The following HLCS variants were observed in gnomAD, a reference collection of about 807,000 sequenced individuals.
HLCS encodes the protein biotin--protein ligase.
In HLCS, 53 loss-of-function variants were observed where a neutral mutation model predicts 75.0. The observed-to-expected ratio is 0.71, with a 90% confidence interval of 0.57 to 0.89. The LOEUF (loss-of-function observed/expected upper bound fraction) is 0.89, where lower values mean the gene tolerates loss of function less well. Among genes scored for constraint, HLCS ranks in the 40% least tolerant of loss-of-function variants. The pLI is 0.00. For missense variants in HLCS, 966 were observed against 1,074.0 expected (o/e 0.90, Z 1.41); for synonymous variants, 431 against 428.6 (o/e 1.01, Z -0.07).
chr21:36,933,819 T>G (rs1282237988), intron 4 of HLCS, among the ~76,000 whole-genome samples: 1 of 152,046 alleles, frequency 6.6e-6, no homozygotes, highest in Non-Finnish European at 1.5e-5. Context: ...CTGGTCAGGG[T>G]GAATACACAG....
At chr21:36,794,371 G>A (rs2060962611) in intron 6 of HLCS, among the ~76,000 whole-genome samples, 1 of 152,256 alleles carries the variant, frequency 6.6e-6, no homozygotes, top group Admixed American at 6.5e-5. Flanking sequence ...GAAGGCTGCT[G>A]CAATAAGGCA....
intron 6 of HLCS, among the ~76,000 whole-genome samples, chr21:36,857,658 G>A (rs2063240761): frequency 6.6e-6 from 1 of 152,158 alleles, no homozygotes; most frequent in Non-Finnish European, 1.5e-5. Flanking sequence ...TCCTAGGATG[G>A]CATTTCAGTG....
rs537642946 is a variant in HLCS at position 36,962,394 on chromosome 21, C to A, written c.196-224G>T. 5.3e-5 allele frequency among the ~76,000 whole-genome samples: 8 copies of A among 152,284 alleles called. No individual in the cohort carries two copies. The East Asian group carries it at 1.4e-3, about 26-fold the overall frequency. On this transcript the variant is annotated intron_variant, in intron 1 of 10. Coordinates refer to ENST00000674895, the MANE Select transcript of HLCS (RefSeq NM_001352514.2). The stretch of plus-strand genomic sequence containing the variant: ...CGATGACTCAGGACAGCTTTAATAT[C>A]TCTAGACCACTGTTTTCAAGCCATG...
At chr21:36,899,500 T>A (rs190636679) in intron 5 of HLCS, among the ~76,000 whole-genome samples, 1 of 152,262 alleles carries the variant, frequency 6.6e-6, no homozygotes, top group East Asian at 1.9e-4. Flanking sequence ...GGCATGCACC[T>A]ATAATCCCAG....
chr21:36,931,273 A>C (rs2066625588), intron 4 of HLCS, among the ~76,000 whole-genome samples: 1 of 128,494 alleles, frequency 7.8e-6, no homozygotes, highest in Non-Finnish European at 1.6e-5. Context: ...ACAAGAGTGA[A>C]ACTCCATCGC....
At chr21:36,942,753 G>A (rs1206031782) in intron 2 of HLCS, among the ~76,000 whole-genome samples, 6 of 151,908 alleles carry the variant, frequency 3.9e-5, no homozygotes, top group African/African-American at 1.2e-4. Context: ...ACAATAAAAA[G>A]ACAATCCAAT....
chr21:36,903,244 T>C (rs1316666116), intron 5 of HLCS, among the ~76,000 whole-genome samples: 1 of 152,182 alleles, frequency 6.6e-6, no homozygotes, highest in Non-Finnish European at 1.5e-5. Flanking sequence ...TCATCATTCT[T>C]TCCTTGGTAT....
intron 6 of HLCS, among the ~76,000 whole-genome samples, chr21:36,776,417 CT>C (rs60097796): frequency 1.3e-5 from 2 of 148,640 alleles, no homozygotes; most frequent in South Asian, 2.1e-4. Context: ...CTATTTTATG[CT>C]TTTTTTTTTC....
intron 1 of HLCS, among the ~76,000 whole-genome samples, chr21:36,978,971 TA>T (rs951758570): frequency 7.7e-6 from 1 of 130,092 alleles, no homozygotes; most frequent in African/African-American, 2.8e-5. Context: ...TCACACTGCT[TA>T]AAAGAAAAAA....
intron 6 of HLCS, among the ~76,000 whole-genome samples, chr21:36,845,112 T>C (rs748644662): frequency 2.0e-5 from 3 of 152,188 alleles, no homozygotes; most frequent in African/African-American, 4.8e-5. Flanking sequence ...TTAATAACTT[T>C]TGTCCATTTT....
chr21:36,936,601 G>GC lies in HLCS; in HGVS notation c.1284dup (p.Leu429AlafsTer29). 6.2e-7 allele frequency: 1 copy of GC among 1,614,252 alleles called. No homozygotes were observed. The highest frequency in any genetic ancestry group is 1.3e-5 in the African/African-American group (1 of 75,066). ...CTGCAGCCACTGCTCAAGACGCTGA[G>GC]CTTCACCTCGCTCTGGTCAGCCTTG... On this transcript the variant is annotated frameshift_variant, in exon 4 of 11. Coordinates refer to ENST00000674895, the MANE Select transcript of HLCS (RefSeq NM_001352514.2). LOFTEE classifies it high-confidence loss of function.
intron 6 of HLCS, among the ~76,000 whole-genome samples, chr21:36,773,627 T>C (rs1460133781): frequency 6.6e-6 from 1 of 152,170 alleles, no homozygotes; most frequent in Non-Finnish European, 1.5e-5. Context: ...ACCCCCCAGT[T>C]TTCTCAGCTC....
upstream of HLCS, among the ~76,000 whole-genome samples, chr21:36,970,540 A>C (rs1466077765): frequency 4.0e-5 from 6 of 151,664 alleles, no homozygotes; most frequent in Admixed American, 3.9e-4. Flanking sequence ...GCTAATTTTT[A>C]TATTTTTTTG....
intron 2 of HLCS, among the ~76,000 whole-genome samples, chr21:36,961,380 G>T (rs993144104): frequency 6.6e-6 from 1 of 152,182 alleles, no homozygotes; most frequent in African/African-American, 2.4e-5. Flanking sequence ...CAGTGACCAG[G>T]CGTGGTGGCT....
chr21:36,792,858 C>T (rs1013033796), intron 6 of HLCS, among the ~76,000 whole-genome samples: 34 of 152,156 alleles, frequency 2.2e-4, no homozygotes, highest in African/African-American at 6.8e-4. Context: ...GCTGTGTCCC[C>T]TCAGTCATGT....
At chr21:36,820,478 G>C (rs116078467) in intron 6 of HLCS, among the ~76,000 whole-genome samples, 1 of 152,180 alleles carries the variant, frequency 6.6e-6, no homozygotes, top group African/African-American at 2.4e-5. Context: ...CCCTGCTCCC[G>C]GCACCCACTC....
chr21:36,853,661 T>C (rs1033917433), intron 6 of HLCS, among the ~76,000 whole-genome samples: 3 of 152,176 alleles, frequency 2.0e-5, no homozygotes, highest in African/African-American at 7.2e-5. Flanking sequence ...TAACTATCCT[T>C]CAGATATTAA....
intron 6 of HLCS, among the ~76,000 whole-genome samples, chr21:36,888,366 C>T (rs1156363708): frequency 6.9e-6 from 1 of 145,888 alleles, no homozygotes; most frequent in Non-Finnish European, 1.5e-5. Flanking sequence ...ACTCTGAAAT[C>T]GAAATACTAT....
In HLCS at chr21:36,753,973, C is replaced by G. The variant is rs980791735; in HGVS notation, c.*273G>C. ...TGTAAAAACTCCCCTTGACAATAAA[C>G]GTAAGTCCAAGCCACAGAGGGGAGA... On this transcript the variant is annotated 3_prime_UTR_variant, in exon 11 of 11. Coordinates refer to ENST00000674895, the MANE Select transcript of HLCS (RefSeq NM_001352514.2). The surrounding 1 kb of genome is among the most constrained non-coding windows in gnomAD (Gnocchi z 4.3). 3.8e-6 allele frequency: 2 copies of G among 523,806 alleles called. No individual in the cohort carries two copies. The highest frequency in any genetic ancestry group is 5.2e-4 in the Middle Eastern group (1 of 1,914). The allele number at this position is 523,806 out of a possible 1,614,324, so 32.4% of individuals were successfully genotyped here.
Sources: allele counts gnomAD v4.1 joint callset (sites outside exome capture counted in the v4.1 genomes callset), GRCh38; gene constraint gnomAD v4.1.1; non-coding constraint Gnocchi (gnomAD v3.1); transcripts MANE v1.5; gene names NCBI Gene and HGNC (gene_info 2026-07-23, HGNC 2026-07-21).